UCHL3: variants seen among roughly 807,000 people sequenced by gnomAD.
The protein encoded by UCHL3 is ubiquitin carboxyl-terminal hydrolase isozyme L3.
A neutral mutation model predicts 35.8 loss-of-function variants in UCHL3; 22 were observed. The observed-to-expected ratio is 0.61, with a 90% CI of 0.44 to 0.88. The LOEUF is 0.88. Ranked by LOEUF, UCHL3 falls within the 40% of genes least tolerant of loss-of-function variation. The pLI is 0.00. For missense variants in UCHL3, 229 were observed against 276.9 expected (o/e 0.83, Z 1.23); for synonymous variants, 90 against 92.8 (o/e 0.97, Z 0.17).
chr13:75,555,264 C>T (rs2138453028), intron 2 of UCHL3, among the ~76,000 whole-genome samples: 1 of 152,338 alleles, frequency 6.6e-6, no homozygotes, highest in Non-Finnish European at 1.5e-5. Flanking sequence ...TTTGAGTACA[C>T]AGCTAAATTA....
At chr13:75,587,905 T>A (rs2032370507) in intron 6 of UCHL3, among the ~76,000 whole-genome samples, 1 of 152,126 alleles carries the variant, frequency 6.6e-6, no homozygotes, top group African/African-American at 2.4e-5. Flanking sequence ...AGCTCAGTAT[T>A]CCTCTCTTGT....
intron 2 of UCHL3, among the ~76,000 whole-genome samples, chr13:75,558,464 T>C (rs1283543209): frequency 6.6e-6 from 1 of 152,222 alleles, no homozygotes; most frequent in Non-Finnish European, 1.5e-5. Context: ...TGCTCTGTTG[T>C]ATGTACCATC....
chr13:75,592,448 A>ATGTATATATG (rs1555276774), intron 6 of UCHL3, among the ~76,000 whole-genome samples: 1 of 116,644 alleles, frequency 8.6e-6, no homozygotes, highest in African/African-American at 3.2e-5. Flanking sequence ...ATATATATAT[A>ATGTATATATG]TATATATATA....
At chr13:75,567,190 C>A (rs772394608) in intron 4 of UCHL3, 37 bp from the exon 5 acceptor site, 1 of 1,582,732 alleles carries the variant, frequency 6.3e-7, no homozygotes, top group South Asian at 1.1e-5. Context: ...TCTGCTGTAT[C>A]AAGCCTTTTT....
chr13:75,597,134 A>C (rs1276202352), intron 7 of UCHL3, among the ~76,000 whole-genome samples: 1 of 152,210 alleles, frequency 6.6e-6, no homozygotes, highest in Non-Finnish European at 1.5e-5. Flanking sequence ...TCTGATGCAG[A>C]TCTAATAAAT....
intron 7 of UCHL3, among the ~76,000 whole-genome samples, chr13:75,599,152 T>TTTG (rs1555277564): frequency 8.1e-6 from 1 of 123,232 alleles, no homozygotes. Flanking sequence ...TTTTTTTTTT[T>TTTG]GTAAATTGGG....
rs2031696481 is a variant in UCHL3 at position 75,566,748 on chromosome 13, T to C, written c.237T>C (p.Asp79=). The C allele has an allele frequency of 6.2e-7, 1 of 1,608,246 alleles. No homozygotes were observed. The highest frequency in any genetic ancestry group is 2.2e-5 in the East Asian group (1 of 44,554). ...EEEKIKSQGQ[D]VTSSVYFMKQ... ...AAAAAATAAAATCTCAGGGACAAGA[T>C]GTTACATCATCAGTATATTTCATGA... The change falls in exon 4 of 9, where the codon GAT becomes GAC. Residue 79 remains aspartate, a synonymous_variant. Coordinates refer to ENST00000377595, the MANE Select transcript of UCHL3 (RefSeq NM_006002.5).
chr13:75,581,440 C>T (rs1440317292), intron 6 of UCHL3, among the ~76,000 whole-genome samples: 1 of 150,848 alleles, frequency 6.6e-6, no homozygotes, highest in Non-Finnish European at 1.5e-5. Flanking sequence ...GCCTTGATCT[C>T]CTGGGCTCAA....
intron 3 of UCHL3, among the ~76,000 whole-genome samples, chr13:75,562,384 G>A (rs1054036574): frequency 1.3e-4 from 19 of 151,998 alleles, no homozygotes; most frequent in Non-Finnish European, 2.8e-4. Flanking sequence ...ACAATGGTAA[G>A]GTTATGATTA....
At chr13:75,561,849 A>G (rs569876132) in intron 3 of UCHL3, among the ~76,000 whole-genome samples, 11 of 149,234 alleles carry the variant, frequency 7.4e-5, no homozygotes, top group African/African-American at 2.7e-4. Flanking sequence ...GTATACGTAT[A>G]CATACGTATA....
intron 6 of UCHL3, among the ~76,000 whole-genome samples, chr13:75,584,704 A>G (rs1265538510): frequency 6.6e-6 from 1 of 152,198 alleles, no homozygotes; most frequent in Non-Finnish European, 1.5e-5. Flanking sequence ...CTCAAGTGGA[A>G]AAGATGGAAA....
At chr13:75,577,126 C>T (rs2032047726) in intron 6 of UCHL3, among the ~76,000 whole-genome samples, 1 of 152,140 alleles carries the variant, frequency 6.6e-6, no homozygotes. Flanking sequence ...ACCTGTAGTT[C>T]CAGCTACTCT....
chr13:75,568,136 GT>G (rs2031742614), intron 5 of UCHL3, among the ~76,000 whole-genome samples: 1 of 152,020 alleles, frequency 6.6e-6, no homozygotes, highest in South Asian at 2.1e-4. Context: ...TTCTGAAATG[GT>G]TTTTAAAATT....
intron 6 of UCHL3, among the ~76,000 whole-genome samples, chr13:75,570,421 A>G (rs2031818566): frequency 1.3e-5 from 2 of 152,130 alleles, no homozygotes; most frequent in African/African-American, 4.8e-5. Context: ...TATTTTTAGT[A>G]GAGACGGGGT....
At chr13:75,604,392 G>A (rs2032870263) in intron 7 of UCHL3, 1 of 162,084 alleles carries the variant, frequency 6.2e-6, no homozygotes, top group African/African-American at 2.4e-5. Context: ...TTTTAAACAT[G>A]TCTGTCTTAC....
At chr13:75,549,763 A>AGCG (rs1252302993), upstream of UCHL3, 53 of 1,445,484 alleles carry the variant, frequency 3.7e-5, no homozygotes, top group Non-Finnish European at 4.4e-5. Flanking sequence ...CGTGGGCGGA[A>AGCG]GCGGCGGCGG....
chr13:75,562,510 C>G (rs1468636044), intron 3 of UCHL3, among the ~76,000 whole-genome samples: 3 of 151,710 alleles, frequency 2.0e-5, no homozygotes, highest in African/African-American at 7.3e-5. Flanking sequence ...TCCAGGACCC[C>G]AGTTGTAATG....
At chr13:75,562,922 A>G (rs757386558) in intron 3 of UCHL3, among the ~76,000 whole-genome samples, 9 of 152,176 alleles carry the variant, frequency 5.9e-5, no homozygotes, top group Non-Finnish European at 1.0e-4. Flanking sequence ...AGCATGTACT[A>G]CTTTTAGATG....
rs1441623146 is a variant in UCHL3 at position 75,560,646 on chromosome 13, A to G, written c.55-107A>G. On this transcript the variant is annotated intron_variant, in intron 2 of 8. Transcript: ENST00000377595. ...ATCCCTTTATAGGTATTAGATACAG[A>G]GTACATATTTGTTGATCATTTCCCT... 5 of 1,043,408 alleles carry G rather than the reference A, an allele frequency of 4.8e-6. No individual in the cohort carries two copies. The Admixed American group carries it at 1.6e-4, about 33-fold the overall frequency. 64.6% of individuals were successfully genotyped at this position (1,043,408 alleles called of 1,614,324 possible). A position where few individuals can be genotyped will look rare whatever the true frequency, so the allele number is the denominator to read the frequency against.
Sources: allele counts gnomAD v4.1 joint callset (sites outside exome capture counted in the v4.1 genomes callset), GRCh38; gene constraint gnomAD v4.1.1; transcripts MANE v1.5; gene names NCBI Gene and HGNC (gene_info 2026-07-23, HGNC 2026-07-21).